The following CACNA1C variants were observed in gnomAD, a reference collection of about 807,000 sequenced individuals.
CACNA1C encodes calcium voltage-gated channel subunit alpha1 C, also known as voltage-dependent L-type calcium channel subunit alpha-1C.
Under a neutral mutation model 229.0 loss-of-function variants are expected in CACNA1C, and 30 were observed. That is an observed-to-expected ratio of 0.13 (90% CI 0.10 to 0.18). The LOEUF is 0.18. Among genes scored for constraint, CACNA1C ranks in the 10% least tolerant of loss-of-function variants. The pLI is 1.00. For synonymous variants in CACNA1C, 1,114 were observed against 1,132.5 expected (o/e 0.98, Z 0.33); for missense variants, 1,658 against 2,845.0 (o/e 0.58, Z 9.49).
chr12:2,644,750 C>T (rs1363316660), intron 30 of CACNA1C, among the ~76,000 whole-genome samples: 1 of 152,182 alleles, frequency 6.6e-6, no homozygotes, highest in East Asian at 1.9e-4. Flanking sequence ...AGACTTCATC[C>T]ACTGAGGTGT....
chr12:2,365,271 C>CCT (rs2097692336), intron 3 of CACNA1C, among the ~76,000 whole-genome samples: 1 of 152,154 alleles, frequency 6.6e-6, no homozygotes, highest in Non-Finnish European at 1.5e-5. Context: ...ATTCTTTAAA[C>CCT]AATAGTGTGT....
rs200282707 is a variant in CACNA1C at position 2,120,302 on chromosome 12, A to G, written c.372-23A>G. On this transcript the variant is annotated intron_variant, in intron 2 of 46. Transcript: ENST00000399655. ...TTCACTTGTACTTTCTGTGGCATTA[A>G]CTTCCTTGACTCCCTTTCTCAGACC... 7.2e-4 allele frequency: 804 copies of G among 1,118,090 alleles called. 2 individuals are homozygous for G. The highest frequency in any genetic ancestry group is 1.0e-3 in the Non-Finnish European group (729 of 727,154). The allele number at this position is 1,118,090 out of a possible 1,614,324, so 69.3% of individuals were successfully genotyped here.
At chr12:2,681,836 C>A in intron 42 of CACNA1C, 1 of 705,184 alleles carries the variant, frequency 1.4e-6, no homozygotes, top group East Asian at 2.6e-5. Flanking sequence ...AAAGTGGGCC[C>A]AGCATGCAAG....
At chr12:2,473,519 T>C (rs920211628) in intron 5 of CACNA1C, among the ~76,000 whole-genome samples, 1 of 152,224 alleles carries the variant, frequency 6.6e-6, no homozygotes, top group Non-Finnish European at 1.5e-5. Context: ...GGACTTATTG[T>C]GTATAAGGCA....
chr12:2,515,976 T>A (rs1175356601), intron 9 of CACNA1C, among the ~76,000 whole-genome samples: 1 of 151,598 alleles, frequency 6.6e-6, no homozygotes, highest in African/African-American at 2.4e-5. Context: ...AACAAGGGAG[T>A]CAAAAGTCCC....
chr12:2,457,855 C>T (rs905148474), intron 5 of CACNA1C, 149 bp downstream of exon 5: 5 of 703,536 alleles, frequency 7.1e-6, no homozygotes, highest in Non-Finnish European at 1.1e-5. Flanking sequence ...TTCCTTTGAT[C>T]TGAAGAGCCC....
chr12:2,358,409 C>T (rs1054436369), intron 3 of CACNA1C, among the ~76,000 whole-genome samples: 3 of 152,102 alleles, frequency 2.0e-5, no homozygotes, highest in Non-Finnish European at 2.9e-5. Context: ...TTTAAAATCT[C>T]ATTACAACCC....
intron 3 of CACNA1C, among the ~76,000 whole-genome samples, chr12:2,353,620 G>A (rs537202839): frequency 6.6e-6 from 1 of 152,316 alleles, no homozygotes; most frequent in South Asian, 2.1e-4. Flanking sequence ...CCTTGGATTT[G>A]CCAAGTGCCC....
chr12:2,035,182 A>G (rs1189759580), intron 1 of CACNA1C, among the ~76,000 whole-genome samples: 1 of 152,184 alleles, frequency 6.6e-6, no homozygotes, highest in Non-Finnish European at 1.5e-5. Flanking sequence ...CGTCTGCGCC[A>G]AGGCACGTTC....
intron 3 of CACNA1C, among the ~76,000 whole-genome samples, chr12:2,155,984 A>T (rs968586534): frequency 5.9e-5 from 9 of 152,326 alleles, no homozygotes; most frequent in African/African-American, 2.2e-4. Flanking sequence ...CTTAAAGAGT[A>T]AAGACGCAAA....
In CACNA1C at chr12:2,595,795, G is replaced by T; in HGVS notation, c.2664-79G>T. 7.0e-7 allele frequency: 1 copy of T among 1,419,276 alleles called. No individual in the cohort carries two copies. 87.9% of individuals were successfully genotyped at this position (1,419,276 alleles called of 1,614,324 possible). ...GCCAGCTGCTGGGGAGAGCTGAGGAGAGGGGCTCCCAAGAGCCGACTGGTG... is the reference window on the plus strand; with the variant it reads ...GCCAGCTGCTGGGGAGAGCTGAGGATAGGGGCTCCCAAGAGCCGACTGGTG... On this transcript the variant is annotated intron_variant, in intron 19 of 46. Coordinates refer to ENST00000399655, the MANE Select transcript of CACNA1C (RefSeq NM_000719.7). This position sits in a 1 kb window ranked among gnomAD's most constrained non-coding sequence, Gnocchi z 4.1.
intron 8 of CACNA1C, among the ~76,000 whole-genome samples, chr12:2,508,885 A>C (rs2154578502): frequency 6.6e-6 from 1 of 152,344 alleles, no homozygotes; most frequent in Middle Eastern, 3.4e-3. Flanking sequence ...TATGGATAAT[A>C]ATCAGATTAT....
At chr12:2,210,616 A>T (rs181617717) in intron 3 of CACNA1C, among the ~76,000 whole-genome samples, 116 of 152,334 alleles carry the variant, frequency 7.6e-4, no homozygotes, top group African/African-American at 2.7e-3. Context: ...GTGCTGCATG[A>T]TCTGGAAGTT....
chr12:2,252,053 G>A (rs2075779469), intron 3 of CACNA1C, among the ~76,000 whole-genome samples: 1 of 152,228 alleles, frequency 6.6e-6, no homozygotes, highest in Non-Finnish European at 1.5e-5. Flanking sequence ...GAGTGAAGCT[G>A]TGTAGCCCAC....
At chr12:2,614,186 A>G (rs1470383996) in intron 29 of CACNA1C, 1 of 152,236 alleles carries the variant, frequency 6.6e-6, no homozygotes, top group Non-Finnish European at 1.5e-5. Flanking sequence ...TCTAAACTGT[A>G]AAGTGCCTCC....
At chr12:2,581,124 T>C (rs560832046) in intron 13 of CACNA1C, among the ~76,000 whole-genome samples, 1 of 152,204 alleles carries the variant, frequency 6.6e-6, no homozygotes, top group Non-Finnish European at 1.5e-5. Flanking sequence ...TCTTTCTGTT[T>C]AGAGACCAAC....
intron 7 of CACNA1C, among the ~76,000 whole-genome samples, chr12:2,500,837 G>A (rs72653435): frequency 0.061 from 9,333 of 152,200 alleles, 364 homozygotes; most frequent in East Asian, 0.14. Flanking sequence ...AGGATGCTGT[G>A]TGTGTGCAGT....
At chr12:2,439,508 C>A (rs1373926115) in intron 3 of CACNA1C, among the ~76,000 whole-genome samples, 1 of 152,132 alleles carries the variant, frequency 6.6e-6, no homozygotes, top group Non-Finnish European at 1.5e-5. Flanking sequence ...GAGGCGTGCA[C>A]AGGGCTAGTG....
intron 29 of CACNA1C, among the ~76,000 whole-genome samples, chr12:2,622,172 C>T (rs1014000158): frequency 2.0e-5 from 3 of 152,168 alleles, no homozygotes; most frequent in African/African-American, 2.4e-5. Flanking sequence ...AAGAAAGAAA[C>T]GGTCCTCCAG....
Sources: gnomAD v4.1 joint callset for allele counts (sites outside exome capture counted in the v4.1 genomes callset) on GRCh38, gnomAD v4.1.1 for gene constraint, Gnocchi (gnomAD v3.1) non-coding constraint, MANE v1.5 for transcripts, NCBI Gene and HGNC (gene_info 2026-07-23, HGNC 2026-07-21) for gene names.